PDK1: variants seen among roughly 807,000 people sequenced by gnomAD.
PDK1 encodes the protein [Pyruvate dehydrogenase (acetyl-transferring)] kinase isozyme 1, mitochondrial.
PDK1 carries 39 observed loss-of-function variants against 54.2 expected under a neutral mutation model. That is an observed-to-expected ratio of 0.72 (90% CI 0.56 to 0.94). The LOEUF is 0.94. PDK1 is among the 40% of genes least tolerant of loss of function. The pLI, the probability that PDK1 is intolerant of heterozygous loss-of-function variation, is 0.00. For missense variants in PDK1, 552 were observed against 566.0 expected, an observed-to-expected ratio of 0.98 and a Z score of 0.25; for synonymous variants, 221 against 207.1, an observed-to-expected ratio of 1.07 and a Z score of -0.58.
chr2:172,557,453 A>G (rs962266634), intron 1 of PDK1, among the ~76,000 whole-genome samples: 2 of 152,320 alleles, frequency 1.3e-5, no homozygotes, highest in Admixed American at 6.5e-5. Flanking sequence ...GATTCTGCTT[A>G]GGGAGTGATA....
At chr2:172,644,138 G>C in the PDK1 span, among the ~76,000 whole-genome samples, 7,910 of 144,200 alleles carry the variant, frequency 0.055, 457 homozygotes, top group African/African-American at 0.15. Context: ...AGCTCTTCTG[G>C]CCACAGCAAA....
chr2:172,696,444 G>T, the PDK1 span, among the ~76,000 whole-genome samples: 100 of 152,272 alleles, frequency 6.6e-4, no homozygotes, highest in African/African-American at 2.3e-3. Context: ...TTTTTAGTGA[G>T]GTAGAATCCT....
chr2:172,560,455 A>G (rs947571829), intron 2 of PDK1, among the ~76,000 whole-genome samples: 16 of 152,228 alleles, frequency 1.1e-4, no homozygotes, highest in African/African-American at 3.9e-4. Flanking sequence ...GACATGAGCC[A>G]CCGCACCTGG....
At chr2:172,688,480 T>C in the PDK1 span, among the ~76,000 whole-genome samples, 1 of 152,164 alleles carries the variant, frequency 6.6e-6, no homozygotes, top group Non-Finnish European at 1.5e-5. Context: ...TGTGAACCAG[T>C]CCCAAGCCCC....
At chr2:172,631,319 T>G in the PDK1 span, among the ~76,000 whole-genome samples, 1 of 152,278 alleles carries the variant, frequency 6.6e-6, no homozygotes, top group Non-Finnish European at 1.5e-5. Flanking sequence ...GATTGTTGTG[T>G]TGTTTACTAG....
At chr2:172,643,523 C>A in the PDK1 span, among the ~76,000 whole-genome samples, 1 of 152,166 alleles carries the variant, frequency 6.6e-6, no homozygotes, top group Non-Finnish European at 1.5e-5. Context: ...TGCCCAAATA[C>A]CCAGAATGCA....
chr2:172,566,224 A>C (rs60294876), intron 5 of PDK1, among the ~76,000 whole-genome samples: 1,676 of 152,004 alleles, frequency 0.011, 31 homozygotes, highest in African/African-American at 0.038. Flanking sequence ...TTTGTCATTC[A>C]TTGTTTATGG....
Position 172,556,141 on chromosome 2 carries a change from G to A in PDK1, c.-10G>A, listed in dbSNP as rs901685909. The A allele has an allele frequency of 4.3e-6, 6 of 1,403,890 alleles. No homozygotes were observed. The highest frequency in any genetic ancestry group is 2.6e-4 in the Middle Eastern group (1 of 3,918). 87.0% of individuals were successfully genotyped at this position (1,403,890 alleles called of 1,614,324 possible). A position where few individuals can be genotyped will look rare whatever the true frequency, so the allele number is the denominator to read the frequency against. ...GCGTACTGGCTGTGGCTTCTCTAGC[G>A]GGACTCGGCATGAGGCTGGCGCGGC... is the stretch of plus-strand genomic sequence containing the variant. On this transcript the variant is annotated 5_prime_UTR_variant, in exon 1 of 11. Coordinates refer to ENST00000282077, the MANE Select transcript of PDK1 (RefSeq NM_002610.5).
At chr2:172,587,048 A>C (rs1225377417) in intron 9 of PDK1, among the ~76,000 whole-genome samples, 3 of 152,154 alleles carry the variant, frequency 2.0e-5, no homozygotes, top group Non-Finnish European at 2.9e-5. Flanking sequence ...TTTCCAGTAG[A>C]GTTATGCTGT....
intron 1 of PDK1, 84 bp downstream of exon 1, chr2:172,556,430 G>A: frequency 1.9e-6 from 2 of 1,067,994 alleles, no homozygotes; most frequent in Non-Finnish European, 2.5e-6. Context: ...GGTCGGCGCC[G>A]GCCAGCTCTC....
the PDK1 span, among the ~76,000 whole-genome samples, chr2:172,659,928 A>G: frequency 6.6e-6 from 1 of 152,214 alleles, no homozygotes; most frequent in African/African-American, 2.4e-5. Flanking sequence ...GGATTTGACC[A>G]GCTGAATCAT....
Position 172,591,585 on chromosome 2 carries a change from G to C in PDK1, c.1057-1350G>C, listed in dbSNP as rs1181617139. On this transcript the variant is annotated intron_variant, in intron 9 of 10. Transcript: ENST00000282077. ...ATGAAGTAGATAAACTGGCTGTTCC[G>C]GTTCCTGTAGCAGTGGCCATTTCTA... Among the ~76,000 whole-genome samples, 6 of 152,128 alleles carry C rather than the reference G, an allele frequency of 3.9e-5. No individual in the cohort carries two copies. The East Asian group carries it at 1.2e-3, about 29-fold the overall frequency.
the PDK1 span, among the ~76,000 whole-genome samples, chr2:172,652,357 A>G: frequency 2.0e-5 from 3 of 152,212 alleles, no homozygotes; most frequent in African/African-American, 7.2e-5. Context: ...CCCACAGCCA[A>G]TATCATACTG....
the PDK1 span, among the ~76,000 whole-genome samples, chr2:172,717,953 T>C: frequency 1.3e-5 from 2 of 152,316 alleles, no homozygotes; most frequent in South Asian, 4.1e-4. Flanking sequence ...ACATTTGTTT[T>C]ATAAAAAGGG....
In PDK1 at chr2:172,564,982, A is replaced by G; in HGVS notation, c.600A>G (p.Leu200=). The G allele has an allele frequency of 6.2e-7, 1 of 1,609,720 alleles. No homozygotes were observed. The highest frequency in any genetic ancestry group is 8.5e-7 in the Non-Finnish European group (1 of 1,176,238). ...SIRMLLNQHS[L]LFGGKGKGSP... ...GTTTTTTTCCTTTTTGGATAGCTTTATTGTTTGGTGGAAAAGGCAAAGGAA... is the reference window on the plus strand; with the variant it reads ...GTTTTTTTCCTTTTTGGATAGCTTTGTTGTTTGGTGGAAAAGGCAAAGGAA... Residue 200 remains leucine, a synonymous_variant, in exon 5 of 11, where the codon TTA becomes TTG. Coordinates refer to ENST00000282077, the MANE Select transcript of PDK1 (RefSeq NM_002610.5).
chr2:172,616,950 TTTTA>T, the PDK1 span, among the ~76,000 whole-genome samples: 163 of 152,226 alleles, frequency 1.1e-3, no homozygotes, highest in Admixed American at 4.2e-3. Flanking sequence ...TGATTGGTTA[TTTTA>T]TTTTATTTAT....
At chr2:172,679,042 T>G in the PDK1 span, 4 of 152,238 alleles carry the variant, frequency 2.6e-5, no homozygotes, top group Non-Finnish European at 5.9e-5. Flanking sequence ...CAATAATAAT[T>G]GAACATTCAG....
At chr2:172,663,921 C>G in the PDK1 span, among the ~76,000 whole-genome samples, 1 of 151,546 alleles carries the variant, frequency 6.6e-6, no homozygotes, top group East Asian at 1.9e-4. Context: ...CAACTTCAGC[C>G]TCCTAAATAG....
the PDK1 span, among the ~76,000 whole-genome samples, chr2:172,643,312 C>A: frequency 3.9e-5 from 6 of 152,132 alleles, no homozygotes; most frequent in African/African-American, 1.4e-4. Context: ...TCCTGTCATC[C>A]GTTTGTCAAA....
Sources: gnomAD v4.1 joint callset for allele counts (sites outside exome capture counted in the v4.1 genomes callset) on GRCh38, gnomAD v4.1.1 for gene constraint, MANE v1.5 for transcripts, NCBI Gene and HGNC (gene_info 2026-07-23, HGNC 2026-07-21) for gene names.